The following MSI2 variants were observed in gnomAD, a reference collection of about 807,000 sequenced individuals.
MSI2 encodes musashi RNA binding protein 2, also known as RNA-binding protein Musashi homolog 2.
A neutral mutation model predicts 45.6 loss-of-function variants in MSI2; 17 were observed. The observed-to-expected ratio is 0.37, with a 90% confidence interval of 0.26 to 0.56. The LOEUF (loss-of-function observed/expected upper bound fraction) is 0.56. MSI2 is among the 20% of genes least tolerant of loss of function. The pLI is 0.77. For synonymous variants in MSI2, 156 were observed against 158.2 expected, an observed-to-expected ratio of 0.99 and a Z score of 0.11; for missense variants, 293 against 444.2, an observed-to-expected ratio of 0.66 and a Z score of 3.06.
chr17:57,528,569 A>AAC (rs1392632665), intron 6 of MSI2, among the ~76,000 whole-genome samples: 1 of 152,212 alleles, frequency 6.6e-6, no homozygotes, highest in East Asian at 1.9e-4. Context: ...GGAGGGCTAA[A>AAC]ACAACAGAAA....
chr17:57,571,038 G>A (rs74498190), intron 7 of MSI2, among the ~76,000 whole-genome samples: 2,742 of 152,330 alleles, frequency 0.018, 39 homozygotes, highest in Middle Eastern at 0.044. Flanking sequence ...CAGGGTAGGA[G>A]TGTGCACTCA....
the MSI2 span, among the ~76,000 whole-genome samples, chr17:57,697,551 G>T: frequency 6.6e-6 from 1 of 152,060 alleles, no homozygotes; most frequent in Non-Finnish European, 1.5e-5. Flanking sequence ...CAGTCACTCG[G>T]TGTATTAGTC....
At chr17:57,507,175 TG>T (rs71140000) in intron 6 of MSI2, among the ~76,000 whole-genome samples, 115,957 of 135,736 alleles carry the variant, frequency 0.85, 49,867 homozygotes, top group Middle Eastern at 0.92. Flanking sequence ...CTGTGTGTGT[TG>T]GGGGGGGGGG....
chr17:57,419,185 C>CT (rs1241938482), intron 6 of MSI2, among the ~76,000 whole-genome samples: 216 of 136,324 alleles, frequency 1.6e-3, no homozygotes, highest in East Asian at 4.1e-3. Flanking sequence ...TGGAGGTTTT[C>CT]TTTTTTTTTT....
intron 6 of MSI2, among the ~76,000 whole-genome samples, chr17:57,502,306 T>C (rs564995886): frequency 6.6e-6 from 1 of 152,224 alleles, no homozygotes; most frequent in East Asian, 1.9e-4. Context: ...GTACAGAGTT[T>C]AAGAGCATGG....
rs79190058 is a variant in MSI2 at position 57,336,495 on chromosome 17, G to C, written c.313-64884G>C. 6.1e-3 allele frequency among the ~76,000 whole-genome samples: 929 copies of C among 152,250 alleles called. 8 individuals are homozygous for C. The highest frequency in any genetic ancestry group is 0.021 in the African/African-American group (883 of 41,526). ...CTTGAATAGTAGTTAAATCACCTGT[G>C]TTACCAATGGTCTTTAAACCAAAAC... On this transcript the variant is annotated intron_variant, in intron 5 of 13. Coordinates refer to ENST00000284073, the MANE Select transcript of MSI2 (RefSeq NM_138962.4).
rs1463428285 is a variant in MSI2, at chr17:57,485,398, CTGT to C, written c.406-44273_406-44271del. 2.6e-5 allele frequency among the ~76,000 whole-genome samples: 4 copies of C among 152,162 alleles called. 1 individual carries two copies. The highest frequency in any genetic ancestry group is 5.9e-5 in the Non-Finnish European group (4 of 68,032). On this transcript the variant is annotated intron_variant, in intron 6 of 13. Transcript: ENST00000284073. ...GAAGCTTTCTTGGGTCCATGTTGGC[CTGT>C]TGTTTAATGTTTCTCATTTGCCTGC... is the stretch of plus-strand genomic sequence containing the variant.
chr17:57,507,177 G>T (rs796976738), intron 6 of MSI2, among the ~76,000 whole-genome samples: 1 of 4,442 alleles, frequency 2.3e-4, no homozygotes, highest in Non-Finnish European at 1.1e-3. Flanking sequence ...GTGTGTGTTG[G>T]GGGGGGGGGG....
At chr17:57,282,625 G>A (rs2069836948) in intron 5 of MSI2, among the ~76,000 whole-genome samples, 1 of 152,074 alleles carries the variant, frequency 6.6e-6, no homozygotes, top group Non-Finnish European at 1.5e-5. Context: ...TGTTTTGTTA[G>A]GGGTAGGAGT....
chr17:57,610,455 A>ACC (rs1424146703), intron 8 of MSI2, among the ~76,000 whole-genome samples: 3 of 34,872 alleles, frequency 8.6e-5, no homozygotes, highest in Admixed American at 2.9e-4. Flanking sequence ...CCGTCTAAAA[A>ACC]AAAAAAAAAT....
intron 7 of MSI2, among the ~76,000 whole-genome samples, chr17:57,560,851 C>T (rs2087557403): frequency 6.6e-6 from 1 of 152,166 alleles, no homozygotes; most frequent in Non-Finnish European, 1.5e-5. Context: ...TTAATCTTTG[C>T]CAAGTAATGC....
At chr17:57,672,926 T>C (rs1912917539) in intron 11 of MSI2, among the ~76,000 whole-genome samples, 2 of 152,252 alleles carry the variant, frequency 1.3e-5, no homozygotes, top group African/African-American at 2.4e-5. Context: ...ATCCCTTTTT[T>C]CTGCCAGCGC....
At chr17:57,496,707 G>C (rs1401073888) in intron 6 of MSI2, among the ~76,000 whole-genome samples, 3 of 152,230 alleles carry the variant, frequency 2.0e-5, no homozygotes, top group African/African-American at 4.8e-5. Flanking sequence ...CTCCTCCCAG[G>C]CTCCAGTCAA....
chr17:57,393,417 C>T (rs1003544971), intron 5 of MSI2, among the ~76,000 whole-genome samples: 6 of 152,162 alleles, frequency 3.9e-5, no homozygotes, highest in East Asian at 3.9e-4. Flanking sequence ...CTTGGCATAA[C>T]GCTTTCAAGG....
chr17:57,349,412 A>G (rs1304145890), intron 5 of MSI2, among the ~76,000 whole-genome samples: 3 of 152,154 alleles, frequency 2.0e-5, no homozygotes, highest in South Asian at 2.1e-4. Context: ...GGTAAACTCA[A>G]AGTTTTTCCA....
At chr17:57,564,616 T>C (rs975651062) in intron 7 of MSI2, among the ~76,000 whole-genome samples, 1 of 152,204 alleles carries the variant, frequency 6.6e-6, no homozygotes, top group Non-Finnish European at 1.5e-5. Context: ...CCAGCCCTAA[T>C]AGGAGACTAT....
At chr17:57,334,263 A>G (rs1054958418) in intron 5 of MSI2, among the ~76,000 whole-genome samples, 1 of 152,184 alleles carries the variant, frequency 6.6e-6, no homozygotes, top group Non-Finnish European at 1.5e-5. Context: ...CTCTTTGATG[A>G]TGGCAAAATG....
intron 5 of MSI2, among the ~76,000 whole-genome samples, chr17:57,337,522 G>A (rs1211728891): frequency 6.6e-6 from 1 of 152,136 alleles, no homozygotes; most frequent in Admixed American, 6.5e-5. Context: ...GAAGGCTGTT[G>A]TCTCTGTGTC....
intron 6 of MSI2, among the ~76,000 whole-genome samples, chr17:57,511,165 C>T (rs377103933): frequency 2.6e-5 from 4 of 152,182 alleles, no homozygotes; most frequent in African/African-American, 9.7e-5. Flanking sequence ...TGCACTGAGT[C>T]CCCAGAGCAG....
Sources: gnomAD v4.1 joint callset for allele counts (sites outside exome capture counted in the v4.1 genomes callset) on GRCh38, gnomAD v4.1.1 for gene constraint, MANE v1.5 for transcripts, NCBI Gene and HGNC (gene_info 2026-07-23, HGNC 2026-07-21) for gene names.